PLAAT5: variants seen among roughly 807,000 people sequenced by gnomAD.
PLAAT5 encodes Ca(2+)-independent N-acyltransferase.
A neutral mutation model predicts 27.8 loss-of-function variants in PLAAT5; 27 were observed. The observed-to-expected ratio is 0.97, with a 90% confidence interval of 0.72 to 1.34. PLAAT5 has a LOEUF of 1.34. Ranked by LOEUF, PLAAT5 falls within the 40% of genes most tolerant of loss-of-function variation. PLAAT5 has a pLI of 0.00. For synonymous variants in PLAAT5, 125 were observed against 136.1 expected, an observed-to-expected ratio of 0.92 and a Z score of 0.57; for missense variants, 368 against 343.8, an observed-to-expected ratio of 1.07 and a Z score of -0.56.
chr11:63,465,708 T>G (rs2015842854), intron 5 of PLAAT5, among the ~76,000 whole-genome samples: 1 of 152,100 alleles, frequency 6.6e-6, no homozygotes, highest in Non-Finnish European at 1.5e-5. Context: ...GAGGACGGCC[T>G]GAGCCCAGGA....
chr11:63,474,808 T>C (rs1252606703), intron 3 of PLAAT5, among the ~76,000 whole-genome samples: 1 of 152,030 alleles, frequency 6.6e-6, no homozygotes, highest in Non-Finnish European at 1.5e-5. Flanking sequence ...CAGCTATAAA[T>C]TTTCCTCTAA....
At position 63,491,050 on chromosome 11, in the gene PLAAT5, T is replaced by A; in HGVS notation, c.-16A>T. On this transcript the variant is annotated 5_prime_UTR_variant, in exon 1 of 6. Transcript: ENST00000540857. ...TCAGGCCCATCCCGCCTCTGCGGCC[T>A]CGCCGGCCCCCAGGCCTTGCAGGGG... The A allele has an allele frequency of 4.2e-6, 6 of 1,424,690 alleles. No individual in the cohort carries two copies. The highest frequency in any genetic ancestry group is 4.6e-6 in the Non-Finnish European group (5 of 1,090,850). The allele number at this position is 1,424,690 out of a possible 1,614,324, so 88.3% of individuals were successfully genotyped here.
At chr11:63,471,899 T>C (rs1300185651) in intron 3 of PLAAT5, among the ~76,000 whole-genome samples, 1 of 152,052 alleles carries the variant, frequency 6.6e-6, no homozygotes, top group Admixed American at 6.6e-5. Context: ...AGGGACATGG[T>C]TGGAGCTGGA....
At chr11:63,486,761 G>A (rs2016444958) in intron 3 of PLAAT5, among the ~76,000 whole-genome samples, 1 of 152,028 alleles carries the variant, frequency 6.6e-6, no homozygotes, top group South Asian at 2.1e-4. Flanking sequence ...CACCACGAAG[G>A]AACTTTTGCA....
chr11:63,476,242 C>G (rs1161357380), intron 3 of PLAAT5, among the ~76,000 whole-genome samples: 1 of 152,078 alleles, frequency 6.6e-6, no homozygotes, highest in Non-Finnish European at 1.5e-5. Context: ...AATTACCTTT[C>G]AAATTGGTCA....
intron 4 of PLAAT5, among the ~76,000 whole-genome samples, chr11:63,468,044 T>C (rs914279425): frequency 6.6e-6 from 1 of 152,222 alleles, no homozygotes; most frequent in African/African-American, 2.4e-5. Flanking sequence ...AAGATGAGGA[T>C]AGATGCTCAA....
chr11:63,485,490 G>T (rs767021912), intron 3 of PLAAT5, among the ~76,000 whole-genome samples: 1 of 151,784 alleles, frequency 6.6e-6, no homozygotes, highest in Non-Finnish European at 1.5e-5. Context: ...ACAGCCAACT[G>T]TCTTCAACAA....
In PLAAT5 at chr11:63,491,081, G is replaced by A; in HGVS notation, c.-47C>T. On this transcript the variant is annotated 5_prime_UTR_variant, in exon 1 of 6. Transcript: ENST00000540857. ...GCCCCCAGGCCTTGCAGGGGACTAC[G>A]CCCCTGGCGAGTTCCCAGTCGGCGC... is the stretch of plus-strand genomic sequence containing the variant. 1 of 1,326,228 alleles carries A rather than the reference G, an allele frequency of 7.5e-7. No individual in the cohort carries two copies. The highest frequency in any genetic ancestry group is 9.7e-7 in the Non-Finnish European group (1 of 1,031,514). The allele number at this position is 1,326,228 out of a possible 1,614,324, so 82.2% of individuals were successfully genotyped here. A position where few individuals can be genotyped will look rare whatever the true frequency, so the allele number is the denominator to read the frequency against.
intron 3 of PLAAT5, among the ~76,000 whole-genome samples, chr11:63,469,103 C>CGTGTGTGTGTGT (rs34013443): frequency 1.4e-4 from 19 of 134,438 alleles, no homozygotes; most frequent in African/African-American, 4.7e-4. Context: ...TCTCTATTAT[C>CGTGTGTGTGTGT]GTGTGTGTGT....
chr11:63,466,391 C>T lies in PLAAT5; in HGVS notation c.455-19G>A. The T allele has an allele frequency of 6.2e-7, 1 of 1,612,284 alleles. No individual in the cohort carries two copies. Among genetic ancestry groups the T allele is most frequent in the Non-Finnish European group, 8.5e-7 (1 of 1,179,232 alleles). On this transcript the variant is annotated intron_variant, in intron 4 of 5. Transcript: ENST00000540857. ...TCCTCACCTGGAGACCAAAGACAAA[C>T]AAAGGTTGGGAAATACAAGGAGTAG...
Position 63,490,242 on chromosome 11 carries a change from C to T in PLAAT5, c.239+1G>A. ...AGACCCCAACCTTACAATCTTCTTA[C>T]CCTTGCTGGATGCTTCTGCCCTGTT... On this transcript the variant is annotated splice_donor_variant, in intron 2 of 5. Transcript: ENST00000540857. LOFTEE classifies it high-confidence loss of function. 2 of 1,614,242 alleles carry T rather than the reference C, an allele frequency of 1.2e-6. No homozygotes were observed. The highest frequency in any genetic ancestry group is 1.1e-5 in the South Asian group (1 of 91,090).
chr11:63,477,297 T>C (rs1454782328), intron 3 of PLAAT5, among the ~76,000 whole-genome samples: 2 of 152,120 alleles, frequency 1.3e-5, no homozygotes, highest in African/African-American at 2.4e-5. Flanking sequence ...CTAGGTAACA[T>C]ACCGTAGCAA....
chr11:63,490,908 G>C lies in PLAAT5; in HGVS notation c.127C>G (p.Arg43Gly), dbSNP rs1475308818. ...GPKDQPPALRRSAVPHSEESV... is the reference protein window; with the variant it reads ...GPKDQPPALRGSAVPHSEESV... ...TGACCTGAGTGGGGCACAGCTGAACGTCTGAGCGCAGGCGGCTGGTCCTTG... is the reference window on the plus strand; with the variant it reads ...TGACCTGAGTGGGGCACAGCTGAACCTCTGAGCGCAGGCGGCTGGTCCTTG... Residue 43 changes from arginine to glycine, a missense_variant, in exon 1 of 6, where the codon CGT becomes GGT. Physicochemically the swap from Arg to Gly is moderately radical, Grantham distance 125. Coordinates refer to ENST00000540857, the MANE Select transcript of PLAAT5 (RefSeq NM_001146729.2). 1 of 1,603,910 alleles carries C rather than the reference G, an allele frequency of 6.2e-7. No homozygotes were observed. The highest frequency in any genetic ancestry group is 8.5e-7 in the Non-Finnish European group (1 of 1,175,592).
intron 3 of PLAAT5, among the ~76,000 whole-genome samples, chr11:63,469,103 C>CGTGTGTGTGTGTGT (rs34013443): frequency 1.2e-4 from 16 of 134,436 alleles, no homozygotes; most frequent in African/African-American, 4.4e-4. Flanking sequence ...TCTCTATTAT[C>CGTGTGTGTGTGTGT]GTGTGTGTGT....
At chr11:63,474,026 G>T (rs1488548667) in intron 3 of PLAAT5, among the ~76,000 whole-genome samples, 4 of 152,002 alleles carry the variant, frequency 2.6e-5, no homozygotes, top group Non-Finnish European at 5.9e-5. Context: ...TTGACTTGGG[G>T]GTGTTACACC....
chr11:63,464,427 G>T (rs1003340073), intron 5 of PLAAT5, among the ~76,000 whole-genome samples: 1 of 152,190 alleles, frequency 6.6e-6, no homozygotes, highest in Non-Finnish European at 1.5e-5. Flanking sequence ...GGAGGCTGAG[G>T]CGTGTGGGTC....
chr11:63,479,014 T>G (rs1226491036), intron 3 of PLAAT5, among the ~76,000 whole-genome samples: 2 of 152,226 alleles, frequency 1.3e-5, no homozygotes, highest in Non-Finnish European at 2.9e-5. Context: ...CATACCAGGC[T>G]TCTCACCCAG....
intron 3 of PLAAT5, among the ~76,000 whole-genome samples, chr11:63,483,601 C>A (rs1443778804): frequency 9.2e-6 from 1 of 108,206 alleles, no homozygotes; most frequent in South Asian, 2.9e-4. Flanking sequence ...AGTGACACAG[C>A]AAAAGTGGTG....
At chr11:63,481,478 C>A (rs2016283262) in intron 3 of PLAAT5, among the ~76,000 whole-genome samples, 1 of 152,166 alleles carries the variant, frequency 6.6e-6, no homozygotes. Flanking sequence ...CTTCTGAATT[C>A]TGTTTGTCCC....
Sources: allele counts gnomAD v4.1 joint callset (sites outside exome capture counted in the v4.1 genomes callset), GRCh38; gene constraint gnomAD v4.1.1; transcripts MANE v1.5; gene names NCBI Gene and HGNC (gene_info 2026-07-23, HGNC 2026-07-21).